Variants in RBPJ observed in about 807,000 individuals in gnomAD.
The protein encoded by RBPJ is recombining binding protein suppressor of hairless.
In RBPJ, 9 loss-of-function variants were observed where a neutral mutation model predicts 67.8. That is an observed-to-expected ratio of 0.13 (90% CI 0.08 to 0.23). The LOEUF (loss-of-function observed/expected upper bound fraction) is 0.23, where lower values mean the gene tolerates loss of function less well. RBPJ is among the 10% of genes least tolerant of loss of function. The pLI, the probability that RBPJ is intolerant of heterozygous loss-of-function variation, is 1.00. For synonymous variants in RBPJ, 198 were observed against 203.3 expected, an observed-to-expected ratio of 0.97 and a Z score of 0.22; for missense variants, 305 against 595.6, an observed-to-expected ratio of 0.51 and a Z score of 5.08.
intron 1 of RBPJ, among the ~76,000 whole-genome samples, chr4:26,200,629 T>C (rs1717948911): frequency 6.6e-6 from 1 of 150,388 alleles, no homozygotes; most frequent in East Asian, 2.0e-4. Flanking sequence ...CGTGACTGCA[T>C]CACTGCACTC....
At chr4:26,125,751 A>G in the RBPJ span, among the ~76,000 whole-genome samples, 1 of 151,744 alleles carries the variant, frequency 6.6e-6, no homozygotes, top group African/African-American at 2.4e-5. Flanking sequence ...GTGAGCCAAG[A>G]TGGCACCAGT....
chr4:26,405,020 G>A (rs936916182), intron 2 of RBPJ, among the ~76,000 whole-genome samples: 4 of 152,142 alleles, frequency 2.6e-5, no homozygotes, highest in Non-Finnish European at 5.9e-5. Context: ...GTAGGGATTA[G>A]TTCTCAGTCT....
intron 1 of RBPJ, among the ~76,000 whole-genome samples, chr4:26,199,359 C>T (rs950206157): frequency 4.6e-5 from 7 of 152,064 alleles, no homozygotes; most frequent in Non-Finnish European, 7.4e-5. Context: ...CACTTGAACC[C>T]GGGAGGTGGA....
intron 1 of RBPJ, among the ~76,000 whole-genome samples, chr4:26,232,382 C>G (rs1719319631): frequency 6.6e-6 from 1 of 152,074 alleles, no homozygotes; most frequent in Admixed American, 6.6e-5. Flanking sequence ...ACTATTCTTC[C>G]TGATACTCTC....
At chr4:26,203,795 T>C (rs73245727) in intron 1 of RBPJ, among the ~76,000 whole-genome samples, 23,391 of 152,230 alleles carry the variant, frequency 0.15, 2,126 homozygotes, top group Middle Eastern at 0.25. Flanking sequence ...AATTGCTTCA[T>C]TGCCTCACTC....
At chr4:26,183,574 A>C (rs1485135305) in intron 1 of RBPJ, among the ~76,000 whole-genome samples, 1 of 152,202 alleles carries the variant, frequency 6.6e-6, no homozygotes, top group Non-Finnish European at 1.5e-5. Context: ...ACTAGAAGAC[A>C]ATTTAATCTT....
At chr4:26,106,402 C>G in the RBPJ span, among the ~76,000 whole-genome samples, 2 of 152,164 alleles carry the variant, frequency 1.3e-5, no homozygotes, top group Admixed American at 6.5e-5. Flanking sequence ...GTCTCAGTAC[C>G]CAGGCCTCAG....
chr4:26,121,398 A>G, the RBPJ span, among the ~76,000 whole-genome samples: 1 of 152,148 alleles, frequency 6.6e-6, no homozygotes, highest in Non-Finnish European at 1.5e-5. Context: ...GGCAGAAAAG[A>G]TTTAATCTTC....
intron 1 of RBPJ, among the ~76,000 whole-genome samples, chr4:26,261,921 TAA>T (rs2109251247): frequency 6.6e-6 from 1 of 152,334 alleles, no homozygotes; most frequent in South Asian, 2.1e-4. Flanking sequence ...ATGACTATTT[TAA>T]GTTTTATTTT....
chr4:26,209,572 T>C (rs1408545810), intron 1 of RBPJ, among the ~76,000 whole-genome samples: 5 of 146,936 alleles, frequency 3.4e-5, no homozygotes, highest in Admixed American at 1.4e-4. Flanking sequence ...CCTCCCTTCC[T>C]CCTTCCCTGT....
At chr4:26,240,331 C>A (rs1017786580) in intron 1 of RBPJ, among the ~76,000 whole-genome samples, 33 of 152,094 alleles carry the variant, frequency 2.2e-4, no homozygotes, top group Admixed American at 1.4e-3. Flanking sequence ...CCTGGGATAC[C>A]CCGTCTGGGT....
intron 1 of RBPJ, among the ~76,000 whole-genome samples, chr4:26,208,755 A>G (rs1718256648): frequency 6.6e-6 from 1 of 152,146 alleles, no homozygotes; most frequent in Admixed American, 6.6e-5. Flanking sequence ...TATTCCATGT[A>G]AATAGACATT....
At chr4:26,108,491 G>A in the RBPJ span, among the ~76,000 whole-genome samples, 54,162 of 152,070 alleles carry the variant, frequency 0.36, 11,276 homozygotes, top group African/African-American at 0.56. Flanking sequence ...CAAAGTCTGC[G>A]CTAGAGCCAG....
chr4:26,278,813 CAAT>C (rs1721162410), intron 1 of RBPJ, among the ~76,000 whole-genome samples: 1 of 152,140 alleles, frequency 6.6e-6, no homozygotes, highest in Non-Finnish European at 1.5e-5. Flanking sequence ...TTTGAAGTAA[CAAT>C]GATTAGTCCG....
chr4:26,115,417 C>T, the RBPJ span, among the ~76,000 whole-genome samples: 1 of 151,906 alleles, frequency 6.6e-6, no homozygotes, highest in Non-Finnish European at 1.5e-5. Flanking sequence ...CGGAGTCTCG[C>T]TCTGCAGCCC....
chr4:26,144,565 C>G, the RBPJ span, among the ~76,000 whole-genome samples: 1 of 152,160 alleles, frequency 6.6e-6, no homozygotes, highest in Non-Finnish European at 1.5e-5. Flanking sequence ...TCACTGCACC[C>G]AGCCTAAAAA....
chr4:26,417,152 C>G (rs575700048), intron 4 of RBPJ, among the ~76,000 whole-genome samples: 9 of 152,164 alleles, frequency 5.9e-5, no homozygotes, highest in Admixed American at 5.2e-4. Flanking sequence ...ATGAGTGGAT[C>G]AGATAGGTAG....
chr4:26,188,144 G>T (rs561344054), intron 1 of RBPJ, among the ~76,000 whole-genome samples: 2 of 152,178 alleles, frequency 1.3e-5, no homozygotes, highest in African/African-American at 4.8e-5. Flanking sequence ...AGGAGGTGAA[G>T]GTTGCAGTGA....
chr4:26,328,112 CTT>C (rs980943251), intron 1 of RBPJ, among the ~76,000 whole-genome samples: 7 of 142,418 alleles, frequency 4.9e-5, no homozygotes, highest in Admixed American at 1.4e-4. Context: ...TTTTTCACAT[CTT>C]TTTTTTTTTT....
Sources: gnomAD v4.1 joint callset for allele counts (sites outside exome capture counted in the v4.1 genomes callset) on GRCh38, gnomAD v4.1.1 for gene constraint, MANE v1.5 for transcripts, NCBI Gene and HGNC (gene_info 2026-07-23, HGNC 2026-07-21) for gene names.